AIDA: variants seen among roughly 807,000 people sequenced by gnomAD.
The protein encoded by AIDA is axin interactor, dorsalization associated.
AIDA carries 18 observed loss-of-function variants against 42.7 expected under a neutral mutation model. The observed-to-expected ratio is 0.42, with a 90% CI of 0.29 to 0.63. AIDA has a LOEUF of 0.63. Among genes scored for constraint, AIDA ranks in the 20% least tolerant of loss-of-function variants. AIDA has a pLI of 0.19. For synonymous variants in AIDA, 104 were observed against 122.9 expected, an observed-to-expected ratio of 0.85 and a Z score of 1.02; for missense variants, 250 against 354.1, an observed-to-expected ratio of 0.71 and a Z score of 2.36.
intron 6 of AIDA, among the ~76,000 whole-genome samples, chr1:222,677,378 T>A (rs185769622): frequency 1.3e-5 from 2 of 152,152 alleles, no homozygotes; most frequent in Non-Finnish European, 2.9e-5. Flanking sequence ...AGGGACAGGT[T>A]TCCCCCCCTC....
intron 6 of AIDA, among the ~76,000 whole-genome samples, chr1:222,678,197 T>TGG (rs1284196739): frequency 6.6e-5 from 6 of 90,242 alleles, no homozygotes; most frequent in South Asian, 3.4e-4. Context: ...TTGTATATCT[T>TGG]GGGGTGTGTG....
rs750947055 is a variant in AIDA at position 222,693,839 on chromosome 1, G to T, written c.239C>A (p.Thr80Lys). Residue 80 changes from threonine (T) to lysine (K), a missense_variant, in exon 4 of 10, where the codon ACA becomes AAA. By Grantham distance (78) the Thr-to-Lys change is moderately conservative (BLOSUM62 -1). Around this residue, in one of 4 missense-constraint regions of AIDA, gnomAD observed 199 missense variants for 232.6 expected, o/e 0.86. Coordinates refer to ENST00000340020, the MANE Select transcript of AIDA (RefSeq NM_022831.4). ...LELRSAALQSTQSQEEFKLED... is the reference protein window; with the variant it reads ...LELRSAALQSKQSQEEFKLED... ...CAGTTTAAATTCTTCTTGAGACTGT[G>T]TGGACTAAATTTAAAATAAGCATAT... 1 of 1,607,154 alleles carries T rather than the reference G, an allele frequency of 6.2e-7. No individual in the cohort carries two copies. Among genetic ancestry groups the T allele is most frequent in the Non-Finnish European group, 8.5e-7 (1 of 1,175,116 alleles).
At chr1:222,689,296 C>G (rs966959374) in intron 4 of AIDA, among the ~76,000 whole-genome samples, 29 of 150,218 alleles carry the variant, frequency 1.9e-4, no homozygotes, top group African/African-American at 6.4e-4. Context: ...AAAAATTAGC[C>G]AGGCCTGGTG....
At chr1:222,691,407 C>T (rs1655365784) in intron 4 of AIDA, among the ~76,000 whole-genome samples, 3 of 152,290 alleles carry the variant, frequency 2.0e-5, no homozygotes, top group Middle Eastern at 3.4e-3. Context: ...ATCTCAGTTT[C>T]CTCAATTCTA....
Position 222,693,823 on chromosome 1 carries a change from T to A in AIDA, c.255A>T (p.Glu85Asp), listed in dbSNP as rs753508631. Residue 85 changes from glutamate (E) to aspartate (D), a missense_variant, in exon 4 of 10, where the codon GAA becomes GAT. By Grantham distance (45) the Glu-to-Asp change is conservative. This residue lies in a region of AIDA where 199 missense variants were observed against 232.6 expected (regional missense o/e 0.86). Transcript: ENST00000340020. Reference sequence around the variant, plus strand: ...GCTTCTTCAGGTCCTCCAGTTTAAATTCTTCTTGAGACTGTGTGGACTAAA... The same window carrying A: ...GCTTCTTCAGGTCCTCCAGTTTAAAATCTTCTTGAGACTGTGTGGACTAAA... ...AALQSTQSQEEFKLEDLKKLE... is the reference protein window; with the variant it reads ...AALQSTQSQEDFKLEDLKKLE... 1 of 1,609,928 alleles carries A rather than the reference T, an allele frequency of 6.2e-7. No individual in the cohort carries two copies. Among genetic ancestry groups the A allele is most frequent in the African/African-American group, 1.3e-5 (1 of 74,878 alleles).
At chr1:222,712,491 GCGGCTCCAAA>G, upstream of AIDA, 2 of 1,416,076 alleles carry the variant, frequency 1.4e-6, no homozygotes, top group Non-Finnish European at 1.8e-6. Context: ...GCCAAACTTT[GCGGCTCCAAA>G]GCGACCGCCC....
intron 8 of AIDA, 96 bp from the exon 9 acceptor site, chr1:222,670,346 A>C: frequency 1.0e-6 from 1 of 952,636 alleles, no homozygotes; most frequent in African/African-American, 1.7e-5. Flanking sequence ...GAACAGCTAC[A>C]GCTGGCATAA....
chr1:222,707,988 A>G (rs569328954), intron 1 of AIDA, among the ~76,000 whole-genome samples: 57 of 152,316 alleles, frequency 3.7e-4, no homozygotes, highest in Middle Eastern at 6.8e-3. Context: ...CCACACTTTA[A>G]GTAGCAGAGA....
chr1:222,712,051 G>T, intron 1 of AIDA, 157 bp downstream of exon 1: 1 of 1,155,662 alleles, frequency 8.7e-7, no homozygotes, highest in Non-Finnish European at 1.2e-6. Flanking sequence ...GAGCAGCCTC[G>T]CTGGGGCTGG....
chr1:222,700,704 G>A (rs1217866845), intron 2 of AIDA, among the ~76,000 whole-genome samples: 7 of 149,976 alleles, frequency 4.7e-5, no homozygotes, highest in Non-Finnish European at 7.4e-5. Context: ...GCAGTGAGCC[G>A]AGATAGCGCC....
rs759872710 is a variant in AIDA, at chr1:222,703,185, G to C, written c.143C>G (p.Ala48Gly). 9.3e-6 allele frequency: 15 copies of C among 1,609,902 alleles called. No individual in the cohort carries two copies. Among genetic ancestry groups the C allele is most frequent in the South Asian group, 2.2e-5 (2 of 89,984 alleles). Reference protein sequence around the residue: ...LARHLQKEAQAQHNNSEFTEE... With the variant: ...LARHLQKEAQGQHNNSEFTEE... ...TGTGAATTCAGAATTATTGTGTTGA[G>C]CTTGGGCCTCCTTTTGTAGATGTCT... is the stretch of plus-strand genomic sequence containing the variant. Residue 48 changes from alanine to glycine, a missense_variant, in exon 2 of 10, where the codon GCT becomes GGT. By Grantham distance (60) the Ala-to-Gly change is moderately conservative. This residue lies in a region of AIDA where 199 missense variants were observed against 232.6 expected (regional missense o/e 0.86). Coordinates refer to ENST00000340020, the MANE Select transcript of AIDA (RefSeq NM_022831.4).
At chr1:222,673,160 T>C (rs975575653) in intron 8 of AIDA, among the ~76,000 whole-genome samples, 153 bp downstream of exon 8, 4 of 152,214 alleles carry the variant, frequency 2.6e-5, no homozygotes, top group Non-Finnish European at 5.9e-5. Flanking sequence ...AATTTCTACA[T>C]TTTAAAAATA....
intron 3 of AIDA, 113 bp from the exon 4 acceptor site, chr1:222,693,956 G>A (rs1655445259): frequency 3.9e-6 from 4 of 1,025,778 alleles, no homozygotes; most frequent in Non-Finnish European, 4.2e-6. Flanking sequence ...TGCTTTCAAG[G>A]TAGAAAATGA....
intron 1 of AIDA, among the ~76,000 whole-genome samples, chr1:222,707,866 C>T (rs919174248): frequency 2.0e-5 from 3 of 152,192 alleles, no homozygotes; most frequent in African/African-American, 7.2e-5. Context: ...AATACAATTT[C>T]AAAAATATCA....
intron 1 of AIDA, chr1:222,711,520 G>A (rs1050143181): frequency 6.6e-6 from 1 of 152,274 alleles, no homozygotes; most frequent in Non-Finnish European, 1.5e-5. Context: ...AGGCAACCGA[G>A]CGAGGGGGTG....
At chr1:222,712,136 G>T in intron 1 of AIDA, 72 bp downstream of exon 1, 1 of 1,546,700 alleles carries the variant, frequency 6.5e-7, no homozygotes, top group South Asian at 1.2e-5. Context: ...GGTGATGAGA[G>T]ACACCGACAG....
chr1:222,701,843 C>A (rs571760781), intron 2 of AIDA, among the ~76,000 whole-genome samples: 87 of 152,276 alleles, frequency 5.7e-4, no homozygotes, highest in African/African-American at 2.0e-3. Flanking sequence ...CTTGCCTCAG[C>A]CTCCCTAGTA....
chr1:222,710,520 G>GT (rs143341129), intron 1 of AIDA, among the ~76,000 whole-genome samples: 2,170 of 152,312 alleles, frequency 0.014, 52 homozygotes, highest in African/African-American at 0.049. Flanking sequence ...CACCTCACAA[G>GT]TAAGAGATGG....
At position 222,689,933 on chromosome 1, in the gene AIDA, T is replaced by C. The variant is rs80237958; in HGVS notation, c.290-2275A>G. 2.6e-5 allele frequency among the ~76,000 whole-genome samples: 4 copies of C among 152,158 alleles called. No homozygotes were observed. The South Asian group carries it at 8.3e-4, about 32-fold the overall frequency. On this transcript the variant is annotated intron_variant, in intron 4 of 9. Coordinates refer to ENST00000340020, the MANE Select transcript of AIDA (RefSeq NM_022831.4). ...GTAAGTACCCTATAAAGGCATACCATTTTATTATCTTTTATATGTACTTTT... is the reference window on the plus strand; with the variant it reads ...GTAAGTACCCTATAAAGGCATACCACTTTATTATCTTTTATATGTACTTTT...
Sources: gnomAD v4.1 joint callset for allele counts (sites outside exome capture counted in the v4.1 genomes callset) on GRCh38, gnomAD v4.1.1 for gene constraint, gnomAD v4.1.1 regional missense constraint, MANE v1.5 for transcripts, NCBI Gene and HGNC (gene_info 2026-07-23, HGNC 2026-07-21) for gene names.